Variants in SPAG16 observed in about 807,000 individuals in gnomAD.
The protein encoded by SPAG16 is sperm associated antigen 16.
Under a neutral mutation model 80.4 loss-of-function variants are expected in SPAG16, and 86 were observed. The observed-to-expected ratio is 1.07, with a 90% CI of 0.90 to 1.28. SPAG16 has a LOEUF of 1.28. Ranked by LOEUF, SPAG16 falls within the 50% of genes most tolerant of loss-of-function variation. The pLI, the probability that SPAG16 is intolerant of heterozygous loss-of-function variation, is 0.00. For synonymous variants in SPAG16, 294 were observed against 265.9 expected (o/e 1.11, Z -1.03); for missense variants, 870 against 765.3 (o/e 1.14, Z -1.61).
At chr2:214,093,429 A>G (rs563581066) in intron 13 of SPAG16, among the ~76,000 whole-genome samples, 36 of 151,748 alleles carry the variant, frequency 2.4e-4, no homozygotes, top group Non-Finnish European at 3.8e-4. Context: ...ATTCTAATGT[A>G]TATATATATA....
intron 10 of SPAG16, among the ~76,000 whole-genome samples, chr2:213,497,319 T>A (rs2074536589): frequency 6.6e-6 from 1 of 152,092 alleles, no homozygotes; most frequent in African/African-American, 2.4e-5. Flanking sequence ...TAGATTCAAT[T>A]TTCGATTTAT....
At chr2:214,144,731 GC>G (rs1298144699) in intron 14 of SPAG16, among the ~76,000 whole-genome samples, 2 of 151,894 alleles carry the variant, frequency 1.3e-5, no homozygotes, top group Non-Finnish European at 2.9e-5. Flanking sequence ...GGCCTAAAAT[GC>G]TTTTATTGTT....
At chr2:213,887,419 C>T (rs184545217) in intron 11 of SPAG16, among the ~76,000 whole-genome samples, 8 of 151,878 alleles carry the variant, frequency 5.3e-5, no homozygotes, top group East Asian at 3.9e-4. Flanking sequence ...ACTCTCATAT[C>T]GTATTCGTCT....
At chr2:213,446,909 C>T (rs935717488) in intron 9 of SPAG16, among the ~76,000 whole-genome samples, 4 of 152,182 alleles carry the variant, frequency 2.6e-5, no homozygotes, top group African/African-American at 9.7e-5. Flanking sequence ...AGATCAGCCA[C>T]AGGGGAATGG....
chr2:213,317,565 G>T (rs1231961334), intron 5 of SPAG16: 1 of 1,224,388 alleles, frequency 8.2e-7, no homozygotes, highest in Non-Finnish European at 1.0e-6. Flanking sequence ...AGAAGGGAAT[G>T]CAGGTAGTTG....
intron 13 of SPAG16, among the ~76,000 whole-genome samples, chr2:214,018,317 T>C (rs1013819784): frequency 6.6e-6 from 1 of 152,154 alleles, no homozygotes; most frequent in Non-Finnish European, 1.5e-5. Context: ...TATACTGTTA[T>C]ATACATTGTT....
At chr2:213,836,753 G>T (rs887945824) in intron 10 of SPAG16, among the ~76,000 whole-genome samples, 3 of 151,976 alleles carry the variant, frequency 2.0e-5, no homozygotes, top group Non-Finnish European at 1.5e-5. Context: ...AGCTAGGATT[G>T]CAGGCATGTA....
chr2:213,480,754 T>C (rs1027827232), intron 9 of SPAG16, among the ~76,000 whole-genome samples: 1 of 152,196 alleles, frequency 6.6e-6, no homozygotes, highest in Admixed American at 6.5e-5. Flanking sequence ...ATTTTTAGGT[T>C]TGCAACACTT....
At chr2:214,262,244 A>G (rs1691227919) in intron 15 of SPAG16, among the ~76,000 whole-genome samples, 1 of 152,124 alleles carries the variant, frequency 6.6e-6, no homozygotes, top group African/African-American at 2.4e-5. Flanking sequence ...TATACCAAGG[A>G]AACAGGAGGG....
chr2:213,525,318 T>C (rs2075849587), intron 10 of SPAG16, among the ~76,000 whole-genome samples: 1 of 137,872 alleles, frequency 7.3e-6, no homozygotes, highest in Admixed American at 7.7e-5. Context: ...AGACAGAGTC[T>C]CGCTTGTTCA....
chr2:214,019,259 C>G (rs148020160), intron 13 of SPAG16, among the ~76,000 whole-genome samples: 28 of 147,846 alleles, frequency 1.9e-4, no homozygotes, highest in African/African-American at 6.1e-4. Context: ...CATCCACAAA[C>G]CCAGTGAAAA....
At chr2:214,119,600 T>C (rs2054113194) in intron 14 of SPAG16, among the ~76,000 whole-genome samples, 1 of 152,102 alleles carries the variant, frequency 6.6e-6, no homozygotes, top group Non-Finnish European at 1.5e-5. Flanking sequence ...GCTGGACTTT[T>C]CCATTTTTCC....
intron 13 of SPAG16, among the ~76,000 whole-genome samples, chr2:214,024,074 A>G (rs369975520): frequency 2.6e-5 from 4 of 151,792 alleles, no homozygotes; most frequent in African/African-American, 7.2e-5. Context: ...AGATAAAAGT[A>G]AGTAAAATTC....
intron 15 of SPAG16, among the ~76,000 whole-genome samples, chr2:214,172,201 C>T (rs931720789): frequency 3.3e-5 from 5 of 151,956 alleles, no homozygotes; most frequent in Admixed American, 6.6e-5. Flanking sequence ...CCCATTAACT[C>T]GTCATTTAGC....
chr2:214,118,368 T>C (rs557966091), intron 14 of SPAG16, among the ~76,000 whole-genome samples: 1 of 152,310 alleles, frequency 6.6e-6, no homozygotes, highest in African/African-American at 2.4e-5. Context: ...CCTGTGATCA[T>C]GGACTGGAAG....
At chr2:213,867,948 A>T (rs1206363879) in intron 11 of SPAG16, among the ~76,000 whole-genome samples, 1 of 149,210 alleles carries the variant, frequency 6.7e-6, no homozygotes, top group Non-Finnish European at 1.5e-5. Flanking sequence ...AAAAAAAAAA[A>T]AAGATAGCTC....
At chr2:214,363,402 G>A (rs959799013) in intron 15 of SPAG16, among the ~76,000 whole-genome samples, 10 of 151,832 alleles carry the variant, frequency 6.6e-5, no homozygotes, top group Non-Finnish European at 1.3e-4. Flanking sequence ...TAGTTTCTGA[G>A]ACATCTCTAG....
At chr2:214,321,047 T>G (rs1034934589) in intron 15 of SPAG16, among the ~76,000 whole-genome samples, 13 of 152,238 alleles carry the variant, frequency 8.5e-5, no homozygotes, top group African/African-American at 3.1e-4. Flanking sequence ...GCCTACAGAT[T>G]GGCATACAGT....
chr2:213,805,057 T>C (rs973366748), intron 10 of SPAG16, among the ~76,000 whole-genome samples: 1 of 152,152 alleles, frequency 6.6e-6, no homozygotes, highest in African/African-American at 2.4e-5. Flanking sequence ...AATGTTACTG[T>C]TGAGGAGTAT....
Sources: gnomAD v4.1 joint callset for allele counts (sites outside exome capture counted in the v4.1 genomes callset) on GRCh38, gnomAD v4.1.1 for gene constraint, MANE v1.5 for transcripts, NCBI Gene and HGNC (gene_info 2026-07-23, HGNC 2026-07-21) for gene names.